Variants in SQSTM1 observed in about 807,000 individuals in gnomAD.
The protein encoded by SQSTM1 is sequestosome-1.
Under a neutral mutation model 45.1 loss-of-function variants are expected in SQSTM1, and 36 were observed. The observed-to-expected ratio is 0.80, with a 90% CI of 0.61 to 1.05. The LOEUF (loss-of-function observed/expected upper bound fraction) is 1.05. SQSTM1 is among the 50% of genes least tolerant of loss of function. The pLI, the probability that SQSTM1 is intolerant of heterozygous loss-of-function variation, is 0.00. For synonymous variants in SQSTM1, 290 were observed against 244.3 expected (o/e 1.19, Z -1.74); for missense variants, 617 against 607.1 (o/e 1.02, Z -0.17).
chr5:179,823,718 T>C, intron 2 of SQSTM1, 140 bp from the exon 3 acceptor site: 1 of 917,008 alleles, frequency 1.1e-6, no homozygotes, highest in South Asian at 1.5e-5. Flanking sequence ...TGCCCTCACC[T>C]AAGTGGCTGA....
Position 179,836,604 on chromosome 5 carries a change from C to A in SQSTM1, c.*11C>A. The A allele has an allele frequency of 1.9e-6, 3 of 1,614,100 alleles. No individual in the cohort carries two copies. The highest frequency in any genetic ancestry group is 2.5e-6 in the Non-Finnish European group (3 of 1,180,028). ...CCCCCGCCGTTGTGACCACTTTTGC[C>A]CACCTCTTCTGCGTGCCCCTCTTCT... is the stretch of plus-strand genomic sequence containing the variant. On this transcript the variant is annotated 3_prime_UTR_variant, in exon 8 of 8. Coordinates refer to ENST00000389805, the MANE Select transcript of SQSTM1 (RefSeq NM_003900.5).
chr5:179,811,058 C>G (rs1296134170), intron 1 of SQSTM1, among the ~76,000 whole-genome samples: 2 of 152,088 alleles, frequency 1.3e-5, no homozygotes, highest in Non-Finnish European at 2.9e-5. Flanking sequence ...TTAGCTAACA[C>G]GGTGAAACCC....
intron 1 of SQSTM1, 63 bp from the exon 2 acceptor site, chr5:179,822,895 C>CCAG: frequency 1.4e-6 from 2 of 1,436,366 alleles, no homozygotes; most frequent in Non-Finnish European, 2.0e-6. Flanking sequence ...TCAGCCCATT[C>CCAG]CAGCAGCTTA....
chr5:179,837,391 T>A lies in SQSTM1; in HGVS notation c.*798T>A. On this transcript the variant is annotated 3_prime_UTR_variant, in exon 8 of 8. Coordinates refer to ENST00000389805, the MANE Select transcript of SQSTM1 (RefSeq NM_003900.5). ...CGATTAATAACCTGCCAGTCCCAGA[T>A]CACACATCATCATCGAAGTCTTCCC... is the stretch of plus-strand genomic sequence containing the variant. 1 of 1,588,138 alleles carries A rather than the reference T, an allele frequency of 6.3e-7. No homozygotes were observed. The highest frequency in any genetic ancestry group is 8.6e-7 in the Non-Finnish European group (1 of 1,165,416).
chr5:179,830,857 C>T (rs952477536), intron 5 of SQSTM1, among the ~76,000 whole-genome samples: 9 of 151,916 alleles, frequency 5.9e-5, no homozygotes, highest in East Asian at 1.9e-4. Flanking sequence ...TGCCCAGCCC[C>T]GTGCCCAGCT....
At chr5:179,817,620 T>C (rs1410027147), upstream of SQSTM1, among the ~76,000 whole-genome samples, 1 of 152,204 alleles carries the variant, frequency 6.6e-6, no homozygotes, top group Non-Finnish European at 1.5e-5. Flanking sequence ...ACTCCTTTTC[T>C]TTTAGAAAGA....
At chr5:179,831,967 TAG>T (rs1449544975) in intron 5 of SQSTM1, among the ~76,000 whole-genome samples, 1 of 152,058 alleles carries the variant, frequency 6.6e-6, no homozygotes, top group East Asian at 1.9e-4. Flanking sequence ...GTATTTTTAG[TAG>T]AGACGGGGTT....
intron 7 of SQSTM1, chr5:179,835,992 T>G (rs1758534074): frequency 3.6e-6 from 1 of 279,144 alleles, no homozygotes; most frequent in African/African-American, 2.2e-5. Context: ...CTCCTTTGCC[T>G]TCTCCACATA....
Position 179,837,145 on chromosome 5 carries a change from G to A in SQSTM1, c.*552G>A. 1.5e-6 allele frequency: 2 copies of A among 1,342,188 alleles called. No individual in the cohort carries two copies. The highest frequency in any genetic ancestry group is 1.2e-5 in the South Asian group (1 of 80,430). The allele number at this position is 1,342,188 out of a possible 1,614,324, so 83.1% of individuals were successfully genotyped here. A position where few individuals can be genotyped will look rare whatever the true frequency, so the allele number is the denominator to read the frequency against. ...GCTGCCTCCTGGTCTCTTCACCACT[G>A]TAGTTCTCTCATTTCCAAACCATCA... On this transcript the variant is annotated 3_prime_UTR_variant, in exon 8 of 8. Transcript: ENST00000389805.
intron 1 of SQSTM1, among the ~76,000 whole-genome samples, chr5:179,809,861 TTCGAAC>T (rs1757342776): frequency 6.8e-6 from 1 of 147,654 alleles, no homozygotes; most frequent in Non-Finnish European, 1.5e-5. Context: ...TCAGGCTGGT[TTCGAAC>T]TCCTGACCTC....
Position 179,823,867 on chromosome 5 carries a change from A to C in SQSTM1, c.311A>C (p.Glu104Ala). ...IFRIYIKEKK[E>A]CRRDHRPPCA... ...TTTACCCTTCCTGTAGAGAAAAAAG[A>C]GTGCCGGCGGGACCACCGCCCACCG... The change falls in exon 3 of 8, where the codon GAG becomes GCG. Residue 104 changes from glutamate (E) to alanine (A), a missense_variant. Physicochemically the swap from Glu to Ala is moderately radical, Grantham distance 107. Coordinates refer to ENST00000389805, the MANE Select transcript of SQSTM1 (RefSeq NM_003900.5). The C allele has an allele frequency of 6.2e-7, 1 of 1,612,152 alleles. No homozygotes were observed. Among genetic ancestry groups the C allele is most frequent in the Non-Finnish European group, 8.5e-7 (1 of 1,179,972 alleles).
intron 5 of SQSTM1, among the ~76,000 whole-genome samples, chr5:179,831,427 C>T (rs1171781765): frequency 6.6e-6 from 1 of 152,128 alleles, no homozygotes; most frequent in African/African-American, 2.4e-5. Flanking sequence ...TTTGGGAGGC[C>T]AAGGCAGGCA....
In SQSTM1 at chr5:179,825,685, C is replaced by T. The variant is rs1199598112; in HGVS notation, c.754+459C>T. On this transcript the variant is annotated intron_variant, in intron 5 of 7. Coordinates refer to ENST00000389805, the MANE Select transcript of SQSTM1 (RefSeq NM_003900.5). ...TTTCTGGTGCTTCTGAGTGCTGGGC[C>T]TGCCTCAGAGCGGGGAGAAGGTGGA... is the stretch of plus-strand genomic sequence containing the variant. Among the ~76,000 whole-genome samples the T allele has an allele frequency of 2.6e-5, 4 of 152,220 alleles. No homozygotes were observed. In the East Asian group the frequency reaches 7.7e-4, roughly 29 times the overall value.
At position 179,824,044 on chromosome 5, in the gene SQSTM1, A is replaced by T. The variant is rs1229946345; in HGVS notation, c.488A>T (p.His163Leu). The change falls in exon 3 of 8, where the codon CAC becomes CTC. Residue 163 changes from histidine to leucine, a missense_variant. His to Leu is a moderately conservative substitution (Grantham distance 99, BLOSUM62 -3). Coordinates refer to ENST00000389805, the MANE Select transcript of SQSTM1 (RefSeq NM_003900.5). ...GAGGGAAAGGGCTTGCACCGGGGGC[A>T]CACCAAGCTCGCATTCCCCAGCCCC... is the stretch of plus-strand genomic sequence containing the variant. ...VCEGKGLHRG[H>L]TKLAFPSPFG... 6.2e-7 allele frequency: 1 copy of T among 1,613,850 alleles called. No individual in the cohort carries two copies. The highest frequency in any genetic ancestry group is 1.3e-5 in the African/African-American group (1 of 74,936).
intron 5 of SQSTM1, 126 bp downstream of exon 5, chr5:179,825,352 A>C (rs1757948950): frequency 2.3e-6 from 2 of 877,852 alleles, no homozygotes; most frequent in Admixed American, 3.8e-5. Flanking sequence ...TTGTTGCCTC[A>C]AATCAACCTT....
At chr5:179,829,038 G>T (rs186793695) in intron 5 of SQSTM1, among the ~76,000 whole-genome samples, 3 of 152,272 alleles carry the variant, frequency 2.0e-5, no homozygotes, top group Admixed American at 2.0e-4. Flanking sequence ...AACAAGGGGG[G>T]AGGGTTGAAA....
At chr5:179,835,378 C>G (rs987852069) in intron 7 of SQSTM1, 2 of 169,084 alleles carry the variant, frequency 1.2e-5, no homozygotes, top group African/African-American at 4.8e-5. Flanking sequence ...CACGCCACTG[C>G]ACTCCAGCCT....
chr5:179,823,232 G>A (rs921706886), intron 2 of SQSTM1, among the ~76,000 whole-genome samples, 179 bp downstream of exon 2: 3 of 151,916 alleles, frequency 2.0e-5, no homozygotes, highest in Non-Finnish European at 4.4e-5. Flanking sequence ...TTGGGAGGCC[G>A]AGGCGGGCAG....
intron 1 of SQSTM1, among the ~76,000 whole-genome samples, chr5:179,808,864 A>ATTT (rs113214299): frequency 1.4e-5 from 2 of 146,106 alleles, no homozygotes; most frequent in Non-Finnish European, 3.0e-5. Flanking sequence ...AGTTTATCTT[A>ATTT]TTTTTTTTTT....
Sources: gnomAD v4.1 joint callset for allele counts (sites outside exome capture counted in the v4.1 genomes callset) on GRCh38, gnomAD v4.1.1 for gene constraint, MANE v1.5 for transcripts, NCBI Gene and HGNC (gene_info 2026-07-23, HGNC 2026-07-21) for gene names.